CFAP299: variants seen among roughly 807,000 people sequenced by gnomAD.
CFAP299 encodes the protein cilia- and flagella-associated protein 299.
In CFAP299, 21 loss-of-function variants were observed where a neutral mutation model predicts 27.0. The observed-to-expected ratio is 0.78, with a 90% CI of 0.55 to 1.12. The LOEUF (loss-of-function observed/expected upper bound fraction) is 1.12. Ranked by LOEUF, CFAP299 falls within the 50% of genes most tolerant of loss-of-function variation. The pLI, the probability that CFAP299 is intolerant of heterozygous loss-of-function variation, is 0.00. For synonymous variants in CFAP299, 104 were observed against 98.1 expected, an observed-to-expected ratio of 1.06 and a Z score of -0.36; for missense variants, 310 against 276.6, an observed-to-expected ratio of 1.12 and a Z score of -0.86.
At chr4:80,861,300 A>T (rs1358038468) in intron 3 of CFAP299, among the ~76,000 whole-genome samples, 1 of 152,130 alleles carries the variant, frequency 6.6e-6, no homozygotes, top group African/African-American at 2.4e-5. Flanking sequence ...CCGATTTTCC[A>T]GGTGCTGTCT....
chr4:80,578,400 T>G (rs754029750), intron 2 of CFAP299, among the ~76,000 whole-genome samples: 8 of 152,160 alleles, frequency 5.3e-5, no homozygotes, highest in Non-Finnish European at 7.4e-5. Context: ...ATAAGAAGGA[T>G]TATTATGTAA....
At chr4:80,490,354 G>T (rs925183624) in intron 2 of CFAP299, among the ~76,000 whole-genome samples, 3 of 152,046 alleles carry the variant, frequency 2.0e-5, no homozygotes. Context: ...TAGTAATTTC[G>T]AGCTATTCTT....
At chr4:80,697,083 C>T (rs780744166) in intron 3 of CFAP299, among the ~76,000 whole-genome samples, 19 of 152,074 alleles carry the variant, frequency 1.2e-4, no homozygotes, top group Non-Finnish European at 2.8e-4. Flanking sequence ...GTGGCTCATG[C>T]CTGTAATCCC....
chr4:80,937,263 G>T, intron 4 of CFAP299, among the ~76,000 whole-genome samples: 2 of 135,730 alleles, frequency 1.5e-5, no homozygotes, highest in African/African-American at 5.6e-5. Flanking sequence ...TTTCTTTTTT[G>T]GTTATCATTG....
At chr4:80,858,720 T>G (rs567101713) in intron 3 of CFAP299, among the ~76,000 whole-genome samples, 1 of 152,378 alleles carries the variant, frequency 6.6e-6, no homozygotes, top group East Asian at 1.9e-4. Context: ...TGAGCGGTTT[T>G]GAGTGAGTTT....
chr4:80,426,465 A>G (rs1727533798), intron 2 of CFAP299, among the ~76,000 whole-genome samples: 1 of 152,210 alleles, frequency 6.6e-6, no homozygotes, highest in African/African-American at 2.4e-5. Context: ...TACAAGCTAG[A>G]ATACAGTGAA....
rs539568896 is a variant in CFAP299, at chr4:80,499,890, A to G, written c.243-83203A>G. On this transcript the variant is annotated intron_variant, in intron 2 of 5. Transcript: ENST00000358105. The stretch of plus-strand genomic sequence containing the variant: ...CTAAACCTTGCCATTCACATCTCAT[A>G]TTTTATTTATATGAATTAGCCGTTA... Among the ~76,000 whole-genome samples, 7 of 152,136 alleles carry G rather than the reference A, an allele frequency of 4.6e-5. No individual in the cohort carries two copies. In the South Asian group the frequency reaches 1.5e-3, roughly 32 times the overall value.
intron 5 of CFAP299, among the ~76,000 whole-genome samples, chr4:80,957,235 T>C (rs1292462233): frequency 2.6e-5 from 4 of 152,188 alleles, no homozygotes; most frequent in Non-Finnish European, 4.4e-5. Flanking sequence ...CCATCTCTCC[T>C]GGGACCCAGT....
At position 80,690,331 on chromosome 4, in the gene CFAP299, A is replaced by G. The variant is rs377396919; in HGVS notation, c.333+107148A>G. On this transcript the variant is annotated intron_variant, in intron 3 of 5. Coordinates refer to ENST00000358105, the MANE Select transcript of CFAP299 (RefSeq NM_152770.3). ...CAGCAAATGTAAAAGAACAGAAATTATAACAAACTATCTCTCAGACCACAG... is the reference window on the plus strand; with the variant it reads ...CAGCAAATGTAAAAGAACAGAAATTGTAACAAACTATCTCTCAGACCACAG... Among the ~76,000 whole-genome samples the G allele has an allele frequency of 2.0e-5, 3 of 152,154 alleles. No homozygotes were observed. The East Asian group carries it at 5.8e-4, about 29-fold the overall frequency.
chr4:80,386,455 C>T, intron 2 of CFAP299: 2 of 1,539,464 alleles, frequency 1.3e-6, no homozygotes, highest in Admixed American at 1.9e-5. Context: ...GGGGTCACCA[C>T]CTTGCGCCCA....
At chr4:80,772,245 A>G (rs1416811838) in intron 3 of CFAP299, among the ~76,000 whole-genome samples, 1 of 152,216 alleles carries the variant, frequency 6.6e-6, no homozygotes, top group Admixed American at 6.6e-5. Flanking sequence ...ACAAAACGTG[A>G]TAAACCTCAA....
intron 3 of CFAP299, among the ~76,000 whole-genome samples, chr4:80,683,410 T>A (rs553415639): frequency 6.6e-6 from 1 of 152,238 alleles, no homozygotes; most frequent in Admixed American, 6.5e-5. Context: ...TTTAATCTAA[T>A]ATTTTCTTAT....
chr4:80,573,549 C>T (rs1735698422), intron 2 of CFAP299, among the ~76,000 whole-genome samples: 1 of 151,964 alleles, frequency 6.6e-6, no homozygotes, highest in Admixed American at 6.6e-5. Context: ...GATCAATGTC[C>T]CAGAGATTTT....
At chr4:80,485,244 T>C (rs1043393495) in intron 2 of CFAP299, among the ~76,000 whole-genome samples, 1 of 149,410 alleles carries the variant, frequency 6.7e-6, no homozygotes, top group Non-Finnish European at 1.5e-5. Context: ...TACATATATG[T>C]ATAAATATAA....
intron 2 of CFAP299, chr4:80,388,575 C>G: frequency 1.4e-6 from 2 of 1,430,758 alleles, no homozygotes; most frequent in East Asian, 2.3e-5. Context: ...TCCTCATCAT[C>G]CAATGGCTGG....
intron 3 of CFAP299, among the ~76,000 whole-genome samples, chr4:80,736,184 A>G (rs1723858582): frequency 6.6e-6 from 1 of 152,148 alleles, no homozygotes; most frequent in Admixed American, 6.6e-5. Context: ...GGTAATGCCT[A>G]GGTTTTCCTC....
At chr4:80,695,688 T>TG (rs1402529819) in intron 3 of CFAP299, among the ~76,000 whole-genome samples, 1 of 151,526 alleles carries the variant, frequency 6.6e-6, no homozygotes, top group Non-Finnish European at 1.5e-5. Flanking sequence ...TTTTTTTTTT[T>TG]TTGAGACAGG....
chr4:80,955,776 C>A (rs1244847958), intron 5 of CFAP299, among the ~76,000 whole-genome samples: 1 of 152,040 alleles, frequency 6.6e-6, no homozygotes, highest in African/African-American at 2.4e-5. Context: ...CTGAGGCAGG[C>A]AGATCACCTG....
intron 4 of CFAP299, among the ~76,000 whole-genome samples, chr4:80,896,618 T>C (rs1251535685): frequency 6.6e-6 from 1 of 152,138 alleles, no homozygotes; most frequent in Non-Finnish European, 1.5e-5. Context: ...TCTAATTACC[T>C]GGAAGGAGAA....
Sources: allele counts gnomAD v4.1 joint callset (sites outside exome capture counted in the v4.1 genomes callset), GRCh38; gene constraint gnomAD v4.1.1; transcripts MANE v1.5; gene names NCBI Gene and HGNC (gene_info 2026-07-23, HGNC 2026-07-21).